The following CLIP1 variants were observed in gnomAD, a reference collection of about 807,000 sequenced individuals.
CLIP1 encodes the protein CAP-Gly domain-containing linker protein 1.
In CLIP1, 66 loss-of-function variants were observed where a neutral mutation model predicts 161.6. The ratio of observed to expected loss-of-function variants is 0.41; its 90% CI spans 0.33 to 0.50. The LOEUF (loss-of-function observed/expected upper bound fraction) is 0.50, where lower values mean the gene tolerates loss of function less well. Among genes scored for constraint, CLIP1 ranks in the 20% least tolerant of loss-of-function variants. The pLI is 0.27. For missense variants in CLIP1, 1,376 were observed against 1,702.0 expected (o/e 0.81, Z 3.37); for synonymous variants, 598 against 626.2 (o/e 0.96, Z 0.67).
rs532083525 is a variant in CLIP1, at chr12:122,276,822, G to C, written c.3966+1332C>G. 4 of 192,618 alleles carry C rather than the reference G, an allele frequency of 2.1e-5. No homozygotes were observed. The East Asian group carries it at 5.9e-4, about 29-fold the overall frequency. 11.9% of individuals were successfully genotyped at this position (192,618 alleles called of 1,614,324 possible). ...CTTTTTACAAATTTTTGTTTGTTTT[G>C]AGACAGGGCCTTGCTCTGTCACCCA... On this transcript the variant is annotated intron_variant, in intron 24 of 25. Coordinates refer to ENST00000620786, the MANE Select transcript of CLIP1 (RefSeq NM_001247997.2).
At position 122,323,181 on chromosome 12, in the gene CLIP1, T is replaced by C. The variant is rs1418583716; in HGVS notation, c.3250-3833A>G. 3 of 152,642 alleles carry C rather than the reference T, an allele frequency of 2.0e-5. No homozygotes were observed. Among genetic ancestry groups the C allele is most frequent in the Non-Finnish European group, 4.4e-5 (3 of 68,052 alleles). 9.5% of individuals were successfully genotyped at this position (152,642 alleles called of 1,614,324 possible). On this transcript the variant is annotated intron_variant, in intron 17 of 25. Transcript: ENST00000620786. This position sits in a 1 kb window ranked among gnomAD's most constrained non-coding sequence, Gnocchi z 4.1. ...AGTGAGGATTTTTCTTTCAAGAGAC[T>C]ATCCTGCTGCTTTTTAAGTTCAGTC...
At chr12:122,413,167 T>C (rs933259992) in intron 1 of CLIP1, among the ~76,000 whole-genome samples, 3 of 152,146 alleles carry the variant, frequency 2.0e-5, no homozygotes, top group Non-Finnish European at 4.4e-5. Context: ...AAAGTCATTA[T>C]ATGGGGTAAA....
At chr12:122,326,512 T>C (rs1169637204) in intron 17 of CLIP1, among the ~76,000 whole-genome samples, 1 of 152,150 alleles carries the variant, frequency 6.6e-6, no homozygotes, top group Non-Finnish European at 1.5e-5. Flanking sequence ...AGACTCTGTC[T>C]CTACAAAAAA....
chr12:122,360,204 G>A (rs1953704771), intron 5 of CLIP1, among the ~76,000 whole-genome samples: 1 of 152,112 alleles, frequency 6.6e-6, no homozygotes, highest in South Asian at 2.1e-4. Flanking sequence ...CAGTAGGTCA[G>A]GTTGTATTAA....
At chr12:122,335,914 C>T (rs1037041030) in intron 12 of CLIP1, among the ~76,000 whole-genome samples, 1 of 152,094 alleles carries the variant, frequency 6.6e-6, no homozygotes. Flanking sequence ...GCTGACCCTG[C>T]GTGGCACATA....
intron 15 of CLIP1, 109 bp downstream of exon 15, chr12:122,332,878 C>T (rs918126613): frequency 1.6e-5 from 13 of 833,882 alleles, no homozygotes; most frequent in Non-Finnish European, 2.0e-5. Flanking sequence ...AGAACAGAGA[C>T]GGGAAACTTT....
chr12:122,409,876 T>C (rs1209680950), intron 1 of CLIP1, among the ~76,000 whole-genome samples: 4 of 148,550 alleles, frequency 2.7e-5, no homozygotes, highest in African/African-American at 7.4e-5. Flanking sequence ...TTATTTTTAT[T>C]TTTTTTTTTT....
intron 20 of CLIP1, among the ~76,000 whole-genome samples, chr12:122,304,256 C>G (rs1192603914): frequency 1.3e-5 from 2 of 152,210 alleles, no homozygotes; most frequent in Non-Finnish European, 2.9e-5. Flanking sequence ...GGAGAGAATT[C>G]AAGTACAAAT....
intron 20 of CLIP1, among the ~76,000 whole-genome samples, chr12:122,303,697 A>G (rs1204858855): frequency 6.6e-6 from 1 of 152,092 alleles, no homozygotes; most frequent in Non-Finnish European, 1.5e-5. Context: ...CAGTGCTCCT[A>G]CTGCTTCTGC....
chr12:122,341,313 T>C lies in CLIP1; in HGVS notation c.1891A>G (p.Ile631Val), dbSNP rs1952485958. The C allele has an allele frequency of 6.2e-7, 1 of 1,614,048 alleles. No individual in the cohort carries two copies. Residue 631 changes from isoleucine (I) to valine (V), a missense_variant, in exon 11 of 26, where the codon ATC becomes GTC. By Grantham distance (29) the Ile-to-Val change is conservative. Around this residue, in one of 6 missense-constraint regions of CLIP1, gnomAD observed 948 missense variants for 1,134.8 expected, o/e 0.84. Coordinates refer to ENST00000620786, the MANE Select transcript of CLIP1 (RefSeq NM_001247997.2). ...ALWKSKLETAIASHQQAMEEL... is the reference protein window; with the variant it reads ...ALWKSKLETAVASHQQAMEEL... ...TCCATCGCCTGCTGGTGGGATGCGA[T>C]GGCAGTCTCCAGTTTGGACTTCCAT...
intron 1 of CLIP1, among the ~76,000 whole-genome samples, chr12:122,413,401 C>G (rs112296633): frequency 1.3e-5 from 2 of 152,128 alleles, no homozygotes; most frequent in East Asian, 1.9e-4. Context: ...TTTGCACACC[C>G]TGAACATCTG....
chr12:122,303,856 CCT>C (rs1013116328), intron 20 of CLIP1, among the ~76,000 whole-genome samples: 18 of 152,174 alleles, frequency 1.2e-4, no homozygotes, highest in Non-Finnish European at 2.2e-4. Context: ...TTGTCCTCCC[CCT>C]GATTCCATCC....
intron 4 of CLIP1, 150 bp from the exon 5 acceptor site, chr12:122,361,331 C>T (rs1176422553): frequency 1.6e-6 from 1 of 641,040 alleles, no homozygotes; most frequent in East Asian, 2.7e-5. Flanking sequence ...ACGTAGCAGT[C>T]ACATGTATGT....
In CLIP1 at chr12:122,384,438, T is replaced by A. The variant is rs1955145561; in HGVS notation, c.-106-3880A>T. On this transcript the variant is annotated intron_variant, in intron 1 of 25. Coordinates refer to ENST00000620786, the MANE Select transcript of CLIP1 (RefSeq NM_001247997.2). The stretch of plus-strand genomic sequence containing the variant: ...ATAAAGAGAATGACGATCTACAAGG[T>A]TAAGTGACCTTTCCAAGGTCAAAGA... Among the ~76,000 whole-genome samples the A allele has an allele frequency of 2.6e-5, 4 of 152,130 alleles. No individual in the cohort carries two copies. In the South Asian group the frequency reaches 8.3e-4, roughly 32 times the overall value.
chr12:122,290,180 T>C (rs1212526835), intron 20 of CLIP1, among the ~76,000 whole-genome samples: 1 of 152,226 alleles, frequency 6.6e-6, no homozygotes, highest in Non-Finnish European at 1.5e-5. Context: ...CTTATGTTCA[T>C]GCTTTGCTAT....
At chr12:122,378,417 G>C (rs991600941) in intron 2 of CLIP1, among the ~76,000 whole-genome samples, 2 of 152,068 alleles carry the variant, frequency 1.3e-5, no homozygotes, top group African/African-American at 4.8e-5. Flanking sequence ...GTGCTGTTTT[G>C]TTTTAAACAA....
At chr12:122,357,553 A>G (rs1593152609) in intron 5 of CLIP1, among the ~76,000 whole-genome samples, 2 of 83,554 alleles carry the variant, frequency 2.4e-5, no homozygotes, top group African/African-American at 5.3e-5. Context: ...TCCGGGAGGG[A>G]GGTGGGGGGG....
chr12:122,289,877 C>G (rs202059684), intron 20 of CLIP1, among the ~76,000 whole-genome samples: 5 of 150,936 alleles, frequency 3.3e-5, no homozygotes, highest in African/African-American at 9.8e-5. Flanking sequence ...GGTGCAATCT[C>G]GGCTCACTGC....
intron 21 of CLIP1, among the ~76,000 whole-genome samples, chr12:122,284,363 TTTTTTTGAGATGGAG>T (rs533703666): frequency 3.9e-5 from 6 of 152,136 alleles, no homozygotes; most frequent in Non-Finnish European, 8.8e-5. Context: ...ATCTTTTTTT[TTTTTTTGAGATGGAG>T]TTTTGCTCTT....
Sources: gnomAD v4.1 joint callset for allele counts (sites outside exome capture counted in the v4.1 genomes callset) on GRCh38, gnomAD v4.1.1 for gene constraint, gnomAD v4.1.1 regional missense constraint, Gnocchi (gnomAD v3.1) non-coding constraint, MANE v1.5 for transcripts, NCBI Gene and HGNC (gene_info 2026-07-23, HGNC 2026-07-21) for gene names.